FAM53B: variants seen among roughly 807,000 people sequenced by gnomAD.
FAM53B encodes protein FAM53B.
Under a neutral mutation model 32.7 loss-of-function variants are expected in FAM53B, and 12 were observed. That is an observed-to-expected ratio of 0.37 (90% CI 0.24 to 0.59). FAM53B has a LOEUF of 0.59. FAM53B is among the 20% of genes least tolerant of loss of function. The pLI is 0.72. For synonymous variants in FAM53B, 234 were observed against 228.7 expected, an observed-to-expected ratio of 1.02 and a Z score of -0.21; for missense variants, 477 against 577.7, an observed-to-expected ratio of 0.83 and a Z score of 1.79.
chr10:124,655,370 C>T (rs974062234), intron 4 of FAM53B, among the ~76,000 whole-genome samples: 1 of 152,240 alleles, frequency 6.6e-6, no homozygotes, highest in East Asian at 1.9e-4. Flanking sequence ...GGCCTGAAAG[C>T]CACACCCTCC....
chr10:124,694,747 G>A lies in FAM53B; in HGVS notation c.133+1411C>T, dbSNP rs117776860. ...GGTTTGCTGAAAGCTGTAAACCACC[G>A]GGGAGGTATTCAATCCTGTGGGGAC... On this transcript the variant is annotated intron_variant, in intron 3 of 4. Transcript: ENST00000337318. Among the ~76,000 whole-genome samples, 50 of 152,336 alleles carry A rather than the reference G, an allele frequency of 3.3e-4. No homozygotes were observed. The East Asian group carries it at 7.9e-3, about 24-fold the overall frequency.
chr10:124,678,596 C>G (rs1165353988), intron 4 of FAM53B, among the ~76,000 whole-genome samples: 1 of 152,168 alleles, frequency 6.6e-6, no homozygotes, highest in Non-Finnish European at 1.5e-5. Context: ...GCACAGGGAC[C>G]AAGAGATCTT....
intron 4 of FAM53B, among the ~76,000 whole-genome samples, chr10:124,657,114 G>GTATATATA (rs1554904645): frequency 4.3e-5 from 6 of 138,020 alleles, no homozygotes; most frequent in Non-Finnish European, 7.8e-5. Flanking sequence ...ATATATGTGT[G>GTATATATA]TGTGTATATA....
chr10:124,621,703 G>A lies in FAM53B; in HGVS notation c.*1539C>T, dbSNP rs1290109743. The A allele has an allele frequency of 1.3e-5, 2 of 152,256 alleles. No homozygotes were observed. The highest frequency in any genetic ancestry group is 4.8e-5 in the African/African-American group (2 of 41,452). The allele number at this position is 152,256 out of a possible 1,614,324, so 9.4% of individuals were successfully genotyped here. On this transcript the variant is annotated 3_prime_UTR_variant, in exon 5 of 5. Transcript: ENST00000337318. ...AGCATCTTTCTTGAGGAGAAAGAAG[G>A]TGAGAAGCATCTGGACTCAACCTGC...
At chr10:124,687,031 T>A (rs945477973) in intron 3 of FAM53B, among the ~76,000 whole-genome samples, 3 of 152,236 alleles carry the variant, frequency 2.0e-5, no homozygotes, top group Non-Finnish European at 4.4e-5. Flanking sequence ...GCAGATAATA[T>A]TGTAATTGTT....
At chr10:124,675,912 C>T (rs750569911) in intron 4 of FAM53B, among the ~76,000 whole-genome samples, 2 of 152,342 alleles carry the variant, frequency 1.3e-5, no homozygotes, top group South Asian at 4.1e-4. Flanking sequence ...GGATGACGTT[C>T]AATTACCCAT....
At chr10:124,739,962 C>CA (rs1451578638) in intron 1 of FAM53B, among the ~76,000 whole-genome samples, 3 of 151,474 alleles carry the variant, frequency 2.0e-5, no homozygotes, top group African/African-American at 7.3e-5. Flanking sequence ...AAAAAACAAA[C>CA]AAACAAAAAA....
intron 3 of FAM53B, among the ~76,000 whole-genome samples, chr10:124,691,532 T>A (rs1304499116): frequency 6.6e-6 from 1 of 152,252 alleles, no homozygotes; most frequent in Non-Finnish European, 1.5e-5. Flanking sequence ...TGACTTGTAT[T>A]TACAAGACTT....
chr10:124,743,054 G>C (rs1310948885), intron 1 of FAM53B: 4 of 151,954 alleles, frequency 2.6e-5, no homozygotes, highest in Non-Finnish European at 2.9e-5. Flanking sequence ...AAACCTGTCC[G>C]CGCGGTTCGT....
rs755602742 is a variant in FAM53B at position 124,651,669 on chromosome 10, T to G, written c.907-28065A>C. 3.0e-4 allele frequency among the ~76,000 whole-genome samples: 45 copies of G among 152,030 alleles called. No homozygotes were observed. Among genetic ancestry groups the G allele is most frequent in the Non-Finnish European group, 5.4e-4 (37 of 68,000 alleles). On this transcript the variant is annotated intron_variant, in intron 4 of 4. Coordinates refer to ENST00000337318, the MANE Select transcript of FAM53B (RefSeq NM_014661.4). The surrounding 1 kb of genome is among the most constrained non-coding windows in gnomAD (Gnocchi z 5.2). ...CTCCTCAGGGGAGCACTGTGGAGAC[T>G]GTCAGCTGACTTCCGACCCTGGGGC...
At position 124,651,612 on chromosome 10, in the gene FAM53B, G is replaced by A. The variant is rs370551573; in HGVS notation, c.907-28008C>T. On this transcript the variant is annotated intron_variant, in intron 4 of 4. Coordinates refer to ENST00000337318, the MANE Select transcript of FAM53B (RefSeq NM_014661.4). This position sits in a 1 kb window ranked among gnomAD's most constrained non-coding sequence, Gnocchi z 5.2. ...GCTCTCCCCTGCCACCCCCACCTCC[G>A]AGACAGTGAGGCCCAGCGGCCTCCT... Among the ~76,000 whole-genome samples the A allele has an allele frequency of 2.0e-5, 3 of 152,110 alleles. No individual in the cohort carries two copies. Among genetic ancestry groups the A allele is most frequent in the African/African-American group, 4.8e-5 (2 of 41,420 alleles).
At chr10:124,696,011 CA>C (rs1949867004) in intron 3 of FAM53B, 146 bp downstream of exon 3, 1 of 684,060 alleles carries the variant, frequency 1.5e-6, no homozygotes, top group South Asian at 1.8e-5. Flanking sequence ...CGTAGGGGAC[CA>C]AAATAGTTAA....
At chr10:124,727,751 A>G (rs1162804122) in intron 1 of FAM53B, among the ~76,000 whole-genome samples, 1 of 152,082 alleles carries the variant, frequency 6.6e-6, no homozygotes, top group Non-Finnish European at 1.5e-5. Context: ...ATAGGAACCG[A>G]GATGATGTGC....
At chr10:124,640,263 G>A (rs971900056) in intron 4 of FAM53B, among the ~76,000 whole-genome samples, 2 of 152,200 alleles carry the variant, frequency 1.3e-5, no homozygotes, top group African/African-American at 4.8e-5. Context: ...ACAGCCTCAG[G>A]CCCTCCACAC....
intron 3 of FAM53B, among the ~76,000 whole-genome samples, chr10:124,688,974 A>C (rs908246710): frequency 2.0e-5 from 3 of 152,206 alleles, no homozygotes; most frequent in African/African-American, 7.2e-5. Context: ...GTTTCCAGAA[A>C]AGGTTAAGCA....
chr10:124,676,204 A>C (rs3824800), intron 4 of FAM53B, among the ~76,000 whole-genome samples: 7,095 of 152,268 alleles, frequency 0.047, 208 homozygotes, highest in East Asian at 0.12. Context: ...ACTTGTATTT[A>C]GCATTTCTTT....
chr10:124,699,893 T>G (rs936851646), intron 2 of FAM53B, among the ~76,000 whole-genome samples: 1 of 152,222 alleles, frequency 6.6e-6, no homozygotes, highest in South Asian at 2.1e-4. Context: ...CTGCCCTTTC[T>G]GAGGCCCGAC....
At chr10:124,626,141 G>A (rs990461101) in intron 4 of FAM53B, among the ~76,000 whole-genome samples, 4 of 152,262 alleles carry the variant, frequency 2.6e-5, no homozygotes, top group Non-Finnish European at 5.9e-5. Context: ...GCTGTCATGT[G>A]AGGGGCCTGG....
intron 2 of FAM53B, chr10:124,703,960 C>T (rs1949933000): frequency 6.6e-6 from 1 of 152,476 alleles, no homozygotes; most frequent in Non-Finnish European, 1.5e-5. Flanking sequence ...TCAGGCCACA[C>T]CTCTTGGAAG....
Sources: allele counts gnomAD v4.1 joint callset (sites outside exome capture counted in the v4.1 genomes callset), GRCh38; gene constraint gnomAD v4.1.1; non-coding constraint Gnocchi (gnomAD v3.1); transcripts MANE v1.5; gene names NCBI Gene and HGNC (gene_info 2026-07-23, HGNC 2026-07-21).